The following SH3GLB2 variants were observed in gnomAD, a reference collection of about 807,000 sequenced individuals.
SH3GLB2 encodes endophilin-B2.
In SH3GLB2, 24 loss-of-function variants were observed where a neutral mutation model predicts 48.0. The observed-to-expected ratio is 0.50, with a 90% CI of 0.36 to 0.70. SH3GLB2 has a LOEUF of 0.70. Among genes scored for constraint, SH3GLB2 ranks in the 30% least tolerant of loss-of-function variants. The pLI, the probability that SH3GLB2 is intolerant of heterozygous loss-of-function variation, is 0.00. For missense variants in SH3GLB2, 425 were observed against 516.0 expected (o/e 0.82, Z 1.71); for synonymous variants, 227 against 207.6 (o/e 1.09, Z -0.80).
rs11269158 is a variant in SH3GLB2 at position 129,025,611 on chromosome 9, G to GAGGAAGGA, written c.63+2473_63+2480dup. On this transcript the variant is annotated intron_variant, in intron 1 of 10. Transcript: ENST00000372564. ...AGAAGAAAGGAGAGAGGGACTAAGGGAGGAAGGAAGGAAGGCAGGCAGGCA... is the reference window on the plus strand; with the variant it reads ...AGAAGAAAGGAGAGAGGGACTAAGGGAGGAAGGAAGGAAGGAAGGAAGGCAGGCAGGCA... Among the ~76,000 whole-genome samples the GAGGAAGGA allele has an allele frequency of 3.3e-3, 391 of 120,030 alleles. 13 individuals are homozygous for GAGGAAGGA. In the East Asian group the frequency reaches 0.041, roughly 13 times the overall value. The allele number at this position is 120,030 out of a possible 152,430, so 78.7% of individuals were successfully genotyped here.
intron 3 of SH3GLB2, among the ~76,000 whole-genome samples, chr9:129,020,877 A>C (rs1375741880): frequency 8.8e-6 from 1 of 113,880 alleles, no homozygotes; most frequent in Non-Finnish European, 1.8e-5. Flanking sequence ...CTCAAAAAAA[A>C]ACAAAAACAA....
In SH3GLB2 at chr9:129,007,492, C is replaced by T. The variant is rs1280236511; in HGVS notation, c.*1192G>A. On this transcript the variant is annotated 3_prime_UTR_variant, in exon 11 of 11. Coordinates refer to ENST00000372564, the MANE Select transcript of SH3GLB2 (RefSeq NM_020145.4). ...CTGTTGGCCTTCTCAGGACTGAAGT[C>T]AGAATGCTAGGTCCTGCTAGGGGCC... 1 of 152,116 alleles carries T rather than the reference C, an allele frequency of 6.6e-6. No homozygotes were observed. Among genetic ancestry groups the T allele is most frequent in the Non-Finnish European group, 1.5e-5 (1 of 68,022 alleles). The allele number at this position is 152,116 out of a possible 1,614,324, so 9.4% of individuals were successfully genotyped here.
intron 1 of SH3GLB2, among the ~76,000 whole-genome samples, chr9:129,026,201 T>G (rs1266302963): frequency 6.6e-6 from 1 of 152,184 alleles, no homozygotes; most frequent in Non-Finnish European, 1.5e-5. Flanking sequence ...GGCCAAGGCC[T>G]TGTTCCTTGC....
At chr9:129,010,250 C>A in intron 7 of SH3GLB2, 41 bp from the exon 8 acceptor site, 1 of 1,554,944 alleles carries the variant, frequency 6.4e-7, no homozygotes. Context: ...ACACACCACC[C>A]ACCAGCTTCC....
chr9:129,028,248 G>GCAGCA lies in SH3GLB2; in HGVS notation c.-95_-94insTGCTG. 1.2e-6 allele frequency: 1 copy of GCAGCA among 861,870 alleles called. No homozygotes were observed. Among genetic ancestry groups the GCAGCA allele is most frequent in the Non-Finnish European group, 1.4e-6 (1 of 708,914 alleles). The allele number at this position is 861,870 out of a possible 1,614,324, so 53.4% of individuals were successfully genotyped here. A position where few individuals can be genotyped will look rare whatever the true frequency, so the allele number is the denominator to read the frequency against. ...CAACCGCACCCCGCCCACCTGCTGC[G>GCAGCA]GGGCACCAGCCCTCCGCGCACCCGC... On this transcript the variant is annotated 5_prime_UTR_variant, in exon 1 of 11. Coordinates refer to ENST00000372564, the MANE Select transcript of SH3GLB2 (RefSeq NM_020145.4).
intron 2 of SH3GLB2, 110 bp from the exon 3 acceptor site, chr9:129,021,329 C>A: frequency 1.5e-6 from 2 of 1,341,598 alleles, no homozygotes; most frequent in Non-Finnish European, 2.0e-6. Flanking sequence ...GGCCTGCTGA[C>A]TTCCAGAATA....
intron 3 of SH3GLB2, among the ~76,000 whole-genome samples, chr9:129,020,888 A>AACACAC (rs113074413): frequency 2.7e-5 from 4 of 150,786 alleles, no homozygotes; most frequent in African/African-American, 9.7e-5. Context: ...ACAAAAACAA[A>AACACAC]ACACACACAC....
intron 1 of SH3GLB2, among the ~76,000 whole-genome samples, chr9:129,025,637 G>GGAAGGAAGGAAGGAAGGAAGGAAT: frequency 6.6e-6 from 1 of 151,478 alleles, no homozygotes; most frequent in African/African-American, 2.4e-5. Flanking sequence ...CAGGCAGGCA[G>GGAAGGAAGGAAGGAAGGAAGGAAT]GCAGGCAGGC....
chr9:129,025,611 G>GAGGAAGGAATGAAGGAAGGAAGGA (rs1844108687), intron 1 of SH3GLB2, among the ~76,000 whole-genome samples: 1 of 120,036 alleles, frequency 8.3e-6, no homozygotes, highest in African/African-American at 3.4e-5. Context: ...GGGACTAAGG[G>GAGGAAGGAATGAAGGAAGGAAGGA]AGGAAGGAAG....
At chr9:129,009,639 C>A (rs370071036) in intron 9 of SH3GLB2, 132 bp downstream of exon 9, 1 of 1,377,900 alleles carries the variant, frequency 7.3e-7, no homozygotes, top group Non-Finnish European at 1.0e-6. Flanking sequence ...TGCCCGCACC[C>A]AGAGTGGGTT....
chr9:129,014,662 G>A lies in SH3GLB2; in HGVS notation c.468+109C>T. On this transcript the variant is annotated intron_variant, in intron 4 of 10. Transcript: ENST00000372564. This position sits in a 1 kb window ranked among gnomAD's most constrained non-coding sequence, Gnocchi z 4.1. Reference sequence around the variant, plus strand: ...AGTCCAAAGGAGCCCTCTCTGGGGAGGCCTCAGGAGTTTTGTAGCCCCAGC... The same window carrying A: ...AGTCCAAAGGAGCCCTCTCTGGGGAAGCCTCAGGAGTTTTGTAGCCCCAGC... 6.6e-7 allele frequency: 1 copy of A among 1,522,646 alleles called. No individual in the cohort carries two copies. Among genetic ancestry groups the A allele is most frequent in the African/African-American group, 1.4e-5 (1 of 72,160 alleles). 94.3% of individuals were successfully genotyped at this position (1,522,646 alleles called of 1,614,324 possible). A position where few individuals can be genotyped will look rare whatever the true frequency, so the allele number is the denominator to read the frequency against.
chr9:129,020,589 C>T (rs893630792), intron 3 of SH3GLB2, among the ~76,000 whole-genome samples: 1 of 151,442 alleles, frequency 6.6e-6, no homozygotes, highest in Admixed American at 6.6e-5. Flanking sequence ...AAAAATAGGC[C>T]GGGCGCGGTG....
At position 129,014,729 on chromosome 9, in the gene SH3GLB2, T is replaced by A. The variant is rs747793051; in HGVS notation, c.468+42A>T. 2 of 1,596,630 alleles carry A rather than the reference T, an allele frequency of 1.3e-6. No homozygotes were observed. The highest frequency in any genetic ancestry group is 1.7e-6 in the Non-Finnish European group (2 of 1,172,070). ...TACTCAAAGGCTCTGAGGAGGGAACTGCCATGGTTACCAGGAAGCGGAATA... is the reference window on the plus strand; with the variant it reads ...TACTCAAAGGCTCTGAGGAGGGAACAGCCATGGTTACCAGGAAGCGGAATA... On this transcript the variant is annotated intron_variant, in intron 4 of 10. Transcript: ENST00000372564. The surrounding 1 kb of genome is among the most constrained non-coding windows in gnomAD (Gnocchi z 4.1).
Position 129,008,550 on chromosome 9 carries a change from CTA to C in SH3GLB2, c.*132_*133del. 1.5e-6 allele frequency: 1 copy of C among 687,222 alleles called. No individual in the cohort carries two copies. The highest frequency in any genetic ancestry group is 2.5e-6 in the Non-Finnish European group (1 of 393,338). The allele number at this position is 687,222 out of a possible 1,614,324, so 42.6% of individuals were successfully genotyped here. A position where few individuals can be genotyped will look rare whatever the true frequency, so the allele number is the denominator to read the frequency against. ...CTCAGGCACCCTCACAGCTAGGTGA[CTA>C]GGGGCAGGGACAGAATGGGGTGAAT... On this transcript the variant is annotated 3_prime_UTR_variant, in exon 11 of 11. Transcript: ENST00000372564.
At chr9:129,023,318 C>A (rs925669227) in intron 1 of SH3GLB2, among the ~76,000 whole-genome samples, 6 of 152,104 alleles carry the variant, frequency 3.9e-5, no homozygotes, top group Admixed American at 3.9e-4. Flanking sequence ...TGGCAGAAGC[C>A]GTGGGGGCTA....
intron 1 of SH3GLB2, among the ~76,000 whole-genome samples, chr9:129,022,825 G>A (rs1010327727): frequency 4.6e-5 from 7 of 152,214 alleles, no homozygotes; most frequent in East Asian, 1.9e-4. Flanking sequence ...AGGGCAGGGA[G>A]TAGGGTCTGG....
At position 129,010,812 on chromosome 9, in the gene SH3GLB2, C is replaced by T. The variant is rs903223992; in HGVS notation, c.625-119G>A. On this transcript the variant is annotated intron_variant, in intron 6 of 10. Transcript: ENST00000372564. ...ACTTCTGCCCCCCTGCCCCTCTGCC[C>T]CCCCTCCCAAACAGGAGCTGAGACT... 12 of 1,270,112 alleles carry T rather than the reference C, an allele frequency of 9.4e-6. No individual in the cohort carries two copies. The East Asian group carries it at 3.0e-4, about 32-fold the overall frequency. The allele number at this position is 1,270,112 out of a possible 1,614,324, so 78.7% of individuals were successfully genotyped here. A position where few individuals can be genotyped will look rare whatever the true frequency, so the allele number is the denominator to read the frequency against.
chr9:129,008,389 G>A lies in SH3GLB2; in HGVS notation c.*295C>T, dbSNP rs1243855165. ...GCGGCCCCACCCTGGCCTAGGTGCT[G>A]AGTGCAGCTGCTGCAGACAGCCCCT... On this transcript the variant is annotated 3_prime_UTR_variant, in exon 11 of 11. Coordinates refer to ENST00000372564, the MANE Select transcript of SH3GLB2 (RefSeq NM_020145.4). 2.7e-6 allele frequency: 1 copy of A among 376,298 alleles called. No individual in the cohort carries two copies. The highest frequency in any genetic ancestry group is 2.1e-5 in the African/African-American group (1 of 47,912). The allele number at this position is 376,298 out of a possible 1,614,324, so 23.3% of individuals were successfully genotyped here.
intron 1 of SH3GLB2, among the ~76,000 whole-genome samples, chr9:129,027,343 G>T (rs774338489): frequency 3.4e-4 from 51 of 152,170 alleles, no homozygotes; most frequent in Admixed American, 8.5e-4. Flanking sequence ...CTGAGAAACT[G>T]AGGCCCAGTG....
Sources: gnomAD v4.1 joint callset for allele counts (sites outside exome capture counted in the v4.1 genomes callset) on GRCh38, gnomAD v4.1.1 for gene constraint, Gnocchi (gnomAD v3.1) non-coding constraint, MANE v1.5 for transcripts, NCBI Gene and HGNC (gene_info 2026-07-23, HGNC 2026-07-21) for gene names.